Variants in COLEC12 observed in about 807,000 individuals in gnomAD.
The protein encoded by COLEC12 is collectin-12.
A neutral mutation model predicts 71.1 loss-of-function variants in COLEC12; 33 were observed. The ratio of observed to expected loss-of-function variants is 0.46; its 90% CI spans 0.35 to 0.62. The LOEUF (loss-of-function observed/expected upper bound fraction) is 0.62, where lower values mean the gene tolerates loss of function less well. Among genes scored for constraint, COLEC12 ranks in the 20% least tolerant of loss-of-function variants. COLEC12 has a pLI of 0.00. For synonymous variants in COLEC12, 350 were observed against 353.0 expected (o/e 0.99, Z 0.10); for missense variants, 765 against 916.1 (o/e 0.84, Z 2.13).
At chr18:486,761 A>AAG (rs1917526311) in intron 1 of COLEC12, among the ~76,000 whole-genome samples, 1 of 152,232 alleles carries the variant, frequency 6.6e-6, no homozygotes, top group Non-Finnish European at 1.5e-5. Context: ...CTAAAATAGG[A>AAG]GGACTGTTGG....
rs1418008172 is a variant in COLEC12, at chr18:500,443, G to T, written c.7+65C>A. On this transcript the variant is annotated intron_variant, in intron 1 of 9. Transcript: ENST00000400256. The surrounding 1 kb of genome is among the most constrained non-coding windows in gnomAD (Gnocchi z 5.3). ...GGTTCGCGCGGGAGGCACCTCCGTG[G>T]CCTCCCGCGCGCCCCGAAGCCCGTT... The T allele has an allele frequency of 8.4e-6, 8 of 954,886 alleles. No individual in the cohort carries two copies. The highest frequency in any genetic ancestry group is 1.0e-5 in the Non-Finnish European group (8 of 790,716). 59.2% of individuals were successfully genotyped at this position (954,886 alleles called of 1,614,324 possible). A position where few individuals can be genotyped will look rare whatever the true frequency, so the allele number is the denominator to read the frequency against.
intron 3 of COLEC12, among the ~76,000 whole-genome samples, chr18:354,678 G>A (rs1410346430): frequency 6.6e-6 from 1 of 152,194 alleles, no homozygotes; most frequent in Non-Finnish European, 1.5e-5. Context: ...TGAGTAAAGA[G>A]AAAGCACATC....
At chr18:481,094 G>A (rs535932047) in intron 1 of COLEC12, among the ~76,000 whole-genome samples, 217 of 152,276 alleles carry the variant, frequency 1.4e-3, no homozygotes, top group Non-Finnish European at 2.2e-3. Flanking sequence ...ACATGTGTGC[G>A]TGAATTTACT....
At chr18:432,740 T>C (rs918694882) in intron 2 of COLEC12, among the ~76,000 whole-genome samples, 4 of 152,204 alleles carry the variant, frequency 2.6e-5, no homozygotes, top group African/African-American at 9.7e-5. Context: ...ATACTGTCTA[T>C]CTGATTTTGG....
intron 2 of COLEC12, among the ~76,000 whole-genome samples, chr18:406,067 CT>C (rs957023311): frequency 1.3e-4 from 20 of 152,134 alleles, no homozygotes; most frequent in African/African-American, 4.3e-4. Context: ...AGAGTGACCC[CT>C]GGTCGTCCTC....
intron 5 of COLEC12, among the ~76,000 whole-genome samples, chr18:345,756 G>A (rs1914356903): frequency 1.3e-5 from 2 of 152,220 alleles, no homozygotes; most frequent in Admixed American, 1.3e-4. Flanking sequence ...AATTAATGGA[G>A]TCCCTTTAAG....
intron 1 of COLEC12, among the ~76,000 whole-genome samples, chr18:486,993 T>C (rs535504848): frequency 6.6e-6 from 1 of 152,214 alleles, no homozygotes; most frequent in South Asian, 2.1e-4. Flanking sequence ...AATAAAAACA[T>C]ATGTCCATAC....
intron 2 of COLEC12, among the ~76,000 whole-genome samples, chr18:435,732 T>C (rs1231995320): frequency 6.6e-6 from 1 of 152,228 alleles, no homozygotes; most frequent in African/African-American, 2.4e-5. Flanking sequence ...ATATCCCAAA[T>C]CTTAATATTA....
intron 2 of COLEC12, among the ~76,000 whole-genome samples, chr18:380,310 C>T (rs937138287): frequency 6.6e-6 from 1 of 152,124 alleles, no homozygotes; most frequent in Non-Finnish European, 1.5e-5. Context: ...CTGACTGGTA[C>T]ACTTTCCCCT....
intron 3 of COLEC12, 115 bp downstream of exon 3, chr18:357,285 T>C (rs1914648027): frequency 1.0e-6 from 1 of 960,146 alleles, no homozygotes; most frequent in South Asian, 1.6e-5. Context: ...TGTTGTTATT[T>C]TGCATCTGAG....
chr18:488,944 G>GA (rs1413061755), intron 1 of COLEC12, among the ~76,000 whole-genome samples: 1 of 152,068 alleles, frequency 6.6e-6, no homozygotes, highest in Non-Finnish European at 1.5e-5. Flanking sequence ...GTGTTTCCCG[G>GA]AAAAAGAACA....
chr18:349,271 G>A (rs557048276), intron 3 of COLEC12, among the ~76,000 whole-genome samples: 1 of 152,232 alleles, frequency 6.6e-6, no homozygotes, highest in Non-Finnish European at 1.5e-5. Flanking sequence ...GCTGAAAGGG[G>A]CCAATGTGGA....
intron 2 of COLEC12, among the ~76,000 whole-genome samples, chr18:432,633 C>T (rs527649248): frequency 6.6e-6 from 1 of 152,284 alleles, no homozygotes; most frequent in East Asian, 1.9e-4. Flanking sequence ...CTTCTTCCAG[C>T]TGGACTAATC....
intron 2 of COLEC12, among the ~76,000 whole-genome samples, chr18:427,846 T>G (rs1444251668): frequency 6.6e-6 from 1 of 152,224 alleles, no homozygotes; most frequent in Non-Finnish European, 1.5e-5. Flanking sequence ...TTTCTGGCTG[T>G]GTCTGGTGGG....
chr18:342,983 G>A (rs950059113), intron 5 of COLEC12, among the ~76,000 whole-genome samples: 5 of 152,108 alleles, frequency 3.3e-5, no homozygotes, highest in South Asian at 2.1e-4. Flanking sequence ...TCCCCAGTCT[G>A]TATCACCATC....
intron 2 of COLEC12, among the ~76,000 whole-genome samples, chr18:368,760 T>TACGG (rs1914922891): frequency 1.3e-5 from 2 of 151,422 alleles, no homozygotes; most frequent in Non-Finnish European, 3.0e-5. Flanking sequence ...CAGCTACTTC[T>TACGG]GAGGCTGAGG....
chr18:385,058 G>A (rs1333760933), intron 2 of COLEC12, among the ~76,000 whole-genome samples: 1 of 152,198 alleles, frequency 6.6e-6, no homozygotes, highest in Non-Finnish European at 1.5e-5. Flanking sequence ...GGAGACCCCT[G>A]CTGTTTACAT....
rs117077452 is a variant in COLEC12 at position 499,250 on chromosome 18, G to A, written c.7+1258C>T. Among the ~76,000 whole-genome samples, 326 of 152,298 alleles carry A rather than the reference G, an allele frequency of 2.1e-3. 9 individuals carry two copies. In the East Asian group the frequency reaches 0.055, roughly 26 times the overall value. On this transcript the variant is annotated intron_variant, in intron 1 of 9. Coordinates refer to ENST00000400256, the MANE Select transcript of COLEC12 (RefSeq NM_130386.3). ...AATTCTCTAGGTAGGCAGTTGTATC[G>A]TGTCTTTTGTTTCTTTTTCCCTGGG...
At chr18:482,650 C>T (rs545780885) in intron 1 of COLEC12, among the ~76,000 whole-genome samples, 7 of 151,428 alleles carry the variant, frequency 4.6e-5, no homozygotes, top group Non-Finnish European at 1.0e-4. Flanking sequence ...TTGTTCTTGT[C>T]GCCCAGGCTG....
Sources: allele counts gnomAD v4.1 joint callset (sites outside exome capture counted in the v4.1 genomes callset), GRCh38; gene constraint gnomAD v4.1.1; non-coding constraint Gnocchi (gnomAD v3.1); transcripts MANE v1.5; gene names NCBI Gene and HGNC (gene_info 2026-07-23, HGNC 2026-07-21).